TMEM163: variants seen among roughly 807,000 people sequenced by gnomAD.
The protein encoded by TMEM163 is transmembrane protein 163.
A neutral mutation model predicts 29.3 loss-of-function variants in TMEM163; 17 were observed. That is an observed-to-expected ratio of 0.58 (90% CI 0.40 to 0.87). TMEM163 has a LOEUF of 0.87. Among genes scored for constraint, TMEM163 ranks in the 40% least tolerant of loss-of-function variants. The pLI is 0.00. For synonymous variants in TMEM163, 157 were observed against 160.6 expected, an observed-to-expected ratio of 0.98 and a Z score of 0.17; for missense variants, 303 against 381.5, an observed-to-expected ratio of 0.79 and a Z score of 1.71.
chr2:134,523,726 A>G (rs530382615), intron 4 of TMEM163, among the ~76,000 whole-genome samples: 2 of 152,340 alleles, frequency 1.3e-5, no homozygotes, highest in Admixed American at 1.3e-4. Flanking sequence ...TAAAGTTTCC[A>G]TTAAACAGAG....
At chr2:134,682,474 C>T (rs1006478446) in intron 2 of TMEM163, among the ~76,000 whole-genome samples, 2 of 152,110 alleles carry the variant, frequency 1.3e-5, no homozygotes, top group African/African-American at 2.4e-5. Flanking sequence ...TCCCTTTATA[C>T]GGAAAGAAAA....
chr2:134,590,768 G>T (rs556797731), intron 2 of TMEM163, among the ~76,000 whole-genome samples: 1 of 152,212 alleles, frequency 6.6e-6, no homozygotes, highest in East Asian at 1.9e-4. Context: ...CATTTCCATG[G>T]CATTTGTAAG....
At chr2:134,625,100 A>C (rs993675870) in intron 2 of TMEM163, among the ~76,000 whole-genome samples, 2 of 152,134 alleles carry the variant, frequency 1.3e-5, no homozygotes, top group Non-Finnish European at 2.9e-5. Flanking sequence ...TATGCTGTAT[A>C]TGTGGGTACA....
At chr2:134,690,725 A>C (rs1684446422) in intron 2 of TMEM163, among the ~76,000 whole-genome samples, 1 of 152,224 alleles carries the variant, frequency 6.6e-6, no homozygotes, top group South Asian at 2.1e-4. Flanking sequence ...CACAATTAAG[A>C]ACTTCATGAC....
chr2:134,712,714 G>A (rs919216324), intron 2 of TMEM163, among the ~76,000 whole-genome samples: 1 of 152,090 alleles, frequency 6.6e-6, no homozygotes, highest in Non-Finnish European at 1.5e-5. Flanking sequence ...CACGGCCACT[G>A]AAAACTTGAC....
chr2:134,527,253 A>C (rs1680315447), intron 4 of TMEM163, among the ~76,000 whole-genome samples: 1 of 152,122 alleles, frequency 6.6e-6, no homozygotes, highest in Admixed American at 6.6e-5. Flanking sequence ...ATGCTTACAT[A>C]CGTGTATGCA....
intron 1 of TMEM163, among the ~76,000 whole-genome samples, chr2:134,715,818 G>A (rs140634377): frequency 1.4e-4 from 21 of 152,306 alleles, no homozygotes; most frequent in African/African-American, 3.8e-4. Flanking sequence ...GACAGGCCTC[G>A]GATTTGCAGG....
intron 2 of TMEM163, among the ~76,000 whole-genome samples, chr2:134,559,752 G>A (rs1681126136): frequency 1.3e-5 from 2 of 152,134 alleles, no homozygotes; most frequent in Admixed American, 1.3e-4. Context: ...GGCTTGAAGA[G>A]GTTAGAAAAT....
At chr2:134,651,980 A>G (rs1370285604) in intron 2 of TMEM163, among the ~76,000 whole-genome samples, 4 of 125,510 alleles carry the variant, frequency 3.2e-5, no homozygotes, top group Non-Finnish European at 6.4e-5. Flanking sequence ...AGGTAGTGTG[A>G]TGCCTCCAGC....
intron 2 of TMEM163, among the ~76,000 whole-genome samples, chr2:134,562,806 A>G (rs1337982966): frequency 2.0e-5 from 3 of 152,216 alleles, no homozygotes; most frequent in Non-Finnish European, 4.4e-5. Flanking sequence ...CCAAAGCAAC[A>G]AGAAACATGA....
intron 2 of TMEM163, among the ~76,000 whole-genome samples, chr2:134,693,604 A>C (rs1425310029): frequency 5.1e-5 from 7 of 137,182 alleles, no homozygotes; most frequent in African/African-American, 2.3e-4. Flanking sequence ...AGCAAAAACT[A>C]CATCAAAAAA....
intron 5 of TMEM163, among the ~76,000 whole-genome samples, chr2:134,480,778 A>C (rs1414322080): frequency 6.6e-6 from 1 of 152,172 alleles, no homozygotes; most frequent in African/African-American, 2.4e-5. Flanking sequence ...AATAAAACTC[A>C]TTGTGCTCGA....
intron 5 of TMEM163, among the ~76,000 whole-genome samples, chr2:134,475,784 C>CACTA (rs1441219600): frequency 6.6e-6 from 1 of 151,994 alleles, no homozygotes; most frequent in African/African-American, 2.4e-5. Flanking sequence ...TGTAAGTGAC[C>CACTA]ACTACATACT....
At chr2:134,629,482 G>T (rs1428760327) in intron 2 of TMEM163, among the ~76,000 whole-genome samples, 2 of 152,150 alleles carry the variant, frequency 1.3e-5, no homozygotes, top group African/African-American at 4.8e-5. Flanking sequence ...TAGAAGATCT[G>T]CCTTATCACA....
At chr2:134,633,411 G>A (rs1683024863) in intron 2 of TMEM163, among the ~76,000 whole-genome samples, 1 of 152,156 alleles carries the variant, frequency 6.6e-6, no homozygotes, top group South Asian at 2.1e-4. Flanking sequence ...GCAGAATCAT[G>A]TTGCCAAGAG....
chr2:134,601,412 C>T (rs146278546), intron 2 of TMEM163, among the ~76,000 whole-genome samples: 1 of 152,174 alleles, frequency 6.6e-6, no homozygotes, highest in Non-Finnish European at 1.5e-5. Context: ...CATCTGGCAG[C>T]ATGTTAATAA....
intron 4 of TMEM163, among the ~76,000 whole-genome samples, chr2:134,535,178 G>T (rs1351581730): frequency 1.3e-5 from 2 of 152,154 alleles, no homozygotes; most frequent in Non-Finnish European, 2.9e-5. Context: ...TTTGAACTTG[G>T]ATTTTAAAAG....
chr2:134,562,596 G>A (rs980290677), intron 2 of TMEM163, among the ~76,000 whole-genome samples: 2 of 152,198 alleles, frequency 1.3e-5, no homozygotes, highest in Non-Finnish European at 2.9e-5. Context: ...TTAAAGAACA[G>A]AACATACTAT....
At chr2:134,594,634 C>T (rs1185620782) in intron 2 of TMEM163, among the ~76,000 whole-genome samples, 8 of 152,220 alleles carry the variant, frequency 5.3e-5, no homozygotes, top group African/African-American at 1.9e-4. Context: ...CAGGGAGGCA[C>T]GCCCATTGGC....
Sources: allele counts gnomAD v4.1 joint callset (sites outside exome capture counted in the v4.1 genomes callset), GRCh38; gene constraint gnomAD v4.1.1; transcripts MANE v1.5; gene names NCBI Gene and HGNC (gene_info 2026-07-23, HGNC 2026-07-21).